KAT6B: variants seen among roughly 807,000 people sequenced by gnomAD.
KAT6B encodes lysine acetyltransferase 6B.
In KAT6B, 10 loss-of-function variants were observed where a neutral mutation model predicts 187.5. The ratio of observed to expected loss-of-function variants is 0.05; its 90% confidence interval spans 0.03 to 0.09. KAT6B has a LOEUF of 0.09. Among genes scored for constraint, KAT6B ranks in the 10% least tolerant of loss-of-function variants. KAT6B has a pLI of 1.00. For missense variants in KAT6B, 1,952 were observed against 2,558.9 expected, an observed-to-expected ratio of 0.76 and a Z score of 5.12; for synonymous variants, 861 against 926.8, an observed-to-expected ratio of 0.93 and a Z score of 1.29.
At chr10:74,956,619 T>TTC (rs1840710409) in intron 3 of KAT6B, among the ~76,000 whole-genome samples, 1 of 152,092 alleles carries the variant, frequency 6.6e-6, no homozygotes, top group Non-Finnish European at 1.5e-5. Context: ...AGACTTGTGT[T>TTC]TGAGTACAGC....
chr10:74,915,875 C>G (rs1004080349), intron 3 of KAT6B, among the ~76,000 whole-genome samples: 2 of 152,108 alleles, frequency 1.3e-5, no homozygotes, highest in Admixed American at 1.3e-4. Flanking sequence ...ATTTAAAAAT[C>G]TATAATTTTG....
rs532744722 is a variant in KAT6B at position 74,958,288 on chromosome 10, G to C, written c.622-1682G>C. Among the ~76,000 whole-genome samples the C allele has an allele frequency of 2.9e-4, 44 of 152,350 alleles. 1 individual carries two copies. In the South Asian group the frequency reaches 8.9e-3, roughly 31 times the overall value. Reference sequence around the variant, plus strand: ...GAGTGCCTACTATGCACCAGGAAATGCATTAGGCATTTGGGCTAGAGTGGC... The same window carrying C: ...GAGTGCCTACTATGCACCAGGAAATCCATTAGGCATTTGGGCTAGAGTGGC... On this transcript the variant is annotated intron_variant, in intron 3 of 17. Transcript: ENST00000287239.
chr10:74,975,653 C>T lies in KAT6B; in HGVS notation c.1316C>T (p.Thr439Ile). 1 of 1,614,188 alleles carries T rather than the reference C, an allele frequency of 6.2e-7. No individual in the cohort carries two copies. Among genetic ancestry groups the T allele is most frequent in the Non-Finnish European group, 8.5e-7 (1 of 1,180,038 alleles). The change falls in exon 8 of 18, where the codon ACT (threonine) becomes ATT (isoleucine). Residue 439 changes from threonine (T) to isoleucine (I), a missense_variant. By Grantham distance (89) the Thr-to-Ile change is moderately conservative. This residue lies in a region of KAT6B where 417 missense variants were observed against 508.9 expected (regional missense o/e 0.82). Transcript: ENST00000287239. Reference protein sequence around the residue: ...KKTKGLIDGLTKFFTPSPDGR... With the variant: ...KKTKGLIDGLIKFFTPSPDGR... ...ACCAAAGGGCTCATTGATGGCCTTA[C>T]TAAGTTTTTTACACCATCACCTGAT... is the stretch of plus-strand genomic sequence containing the variant.
chr10:74,843,414 A>G lies in KAT6B; in HGVS notation c.557A>G (p.Gln186Arg), dbSNP rs773085649. Reference protein sequence around the residue: ...YGSLDGKGAPQYPSAFPSSLP... With the variant: ...YGSLDGKGAPRYPSAFPSSLP... ...AGCTTAGATGGCAAAGGGGCACCTC[A>G]GTATCCCAGTGCATTCCCATCCTCG... is the stretch of plus-strand genomic sequence containing the variant. The change falls in exon 3 of 18, where the codon CAG becomes CGG. Residue 186 changes from glutamine (Q) to arginine (R), a missense_variant. Gln to Arg is a conservative substitution (Grantham distance 43, BLOSUM62 1). This residue lies in a region of KAT6B where 218 missense variants were observed against 282.6 expected (regional missense o/e 0.77). Transcript: ENST00000287239. 4 of 1,614,054 alleles carry G rather than the reference A, an allele frequency of 2.5e-6. No individual in the cohort carries two copies. Among genetic ancestry groups the G allele is most frequent in the Non-Finnish European group, 3.4e-6 (4 of 1,179,992 alleles).
chr10:74,919,900 A>T (rs535581282), intron 3 of KAT6B, among the ~76,000 whole-genome samples: 26 of 152,006 alleles, frequency 1.7e-4, no homozygotes, highest in Non-Finnish European at 5.9e-5. Flanking sequence ...CAAATTTGTC[A>T]TCTTTTATAG....
intron 3 of KAT6B, among the ~76,000 whole-genome samples, chr10:74,932,902 A>G (rs965706396): frequency 2.6e-5 from 4 of 152,356 alleles, no homozygotes; most frequent in Non-Finnish European, 5.9e-5. Context: ...TGCTTACACC[A>G]GGGAGAACAA....
chr10:74,943,091 G>A (rs987513477), intron 3 of KAT6B, among the ~76,000 whole-genome samples: 2 of 152,102 alleles, frequency 1.3e-5, no homozygotes, highest in East Asian at 1.9e-4. Context: ...AAAATCCTAA[G>A]GAATCTTTAA....
chr10:74,935,479 T>C (rs1034666556), intron 3 of KAT6B, among the ~76,000 whole-genome samples: 3 of 152,226 alleles, frequency 2.0e-5, no homozygotes, highest in African/African-American at 7.2e-5. Context: ...GTAAAACTTT[T>C]TGTTGAGACG....
intron 13 of KAT6B, among the ~76,000 whole-genome samples, chr10:75,012,657 T>G (rs1410261207): frequency 6.6e-6 from 1 of 152,186 alleles, no homozygotes; most frequent in Non-Finnish European, 1.5e-5. Context: ...TCGTGCTGCC[T>G]GATGCCCTAC....
Position 74,975,771 on chromosome 10 carries a change from G to A in KAT6B, c.1434G>A (p.Val478=). 2 of 1,614,174 alleles carry A rather than the reference G, an allele frequency of 1.2e-6. No individual in the cohort carries two copies. Among genetic ancestry groups the A allele is most frequent in the Non-Finnish European group, 8.5e-7 (1 of 1,180,028 alleles). Residue 478 remains valine, a synonymous_variant, in exon 8 of 18, where the codon GTG becomes GTA. Transcript: ENST00000287239. Reference sequence around the variant, plus strand: ...AGAAACAGTCATGCACTTCTCATGTGTTGGCTACAGGTACCACACAAAAGC... The same window carrying A: ...AGAAACAGTCATGCACTTCTCATGTATTGGCTACAGGTACCACACAAAAGC... ...VSQKQSCTSH[V]LATGTTQKLK... is the part of the protein sequence containing the mutation.
At chr10:74,893,564 G>A (rs777274979) in intron 3 of KAT6B, among the ~76,000 whole-genome samples, 1 of 151,824 alleles carries the variant, frequency 6.6e-6, no homozygotes, top group African/African-American at 2.4e-5. Context: ...CCATCTCTGG[G>A]GTTCAAGCGA....
chr10:74,996,234 C>T (rs1470268176), intron 13 of KAT6B, among the ~76,000 whole-genome samples: 1 of 152,196 alleles, frequency 6.6e-6, no homozygotes, highest in Non-Finnish European at 1.5e-5. Flanking sequence ...GGGAAGAAGA[C>T]ATAGCTCTTG....
chr10:74,826,395 G>A (rs896144940), upstream of KAT6B, among the ~76,000 whole-genome samples: 4 of 152,122 alleles, frequency 2.6e-5, no homozygotes, highest in Middle Eastern at 3.4e-3. Flanking sequence ...CGGAGGGGGG[G>A]ATGATGGGTC....
chr10:74,977,298 G>C lies in KAT6B; in HGVS notation c.1994-18G>C. 6.2e-6 allele frequency: 10 copies of C among 1,611,008 alleles called. No individual in the cohort carries two copies. The highest frequency in any genetic ancestry group is 8.5e-6 in the Non-Finnish European group (10 of 1,178,238). ...ATTCAAGTCAGTGAATACACTTTCT[G>C]CTGGTTTTAAATGACAGATACTGAA... On this transcript the variant is annotated intron_variant, in intron 8 of 17. Transcript: ENST00000287239.
intron 2 of KAT6B, 77 bp from the exon 3 acceptor site, chr10:74,842,523 G>A: frequency 1.9e-6 from 1 of 528,448 alleles, no homozygotes; most frequent in East Asian, 3.0e-5. Context: ...GTCTGAAAAA[G>A]TCATGCTAAA....
At position 74,828,112 on chromosome 10, in the gene KAT6B, A is replaced by G. The variant is rs544494607; in HGVS notation, c.-329+1327A>G. On this transcript the variant is annotated intron_variant, in intron 1 of 17. Transcript: ENST00000287239. ...ACTTTGCTGTGGGCAGAGTGCAGGGAGTGGTAGGAGATGACCAGGCAAAGG... is the reference window on the plus strand; with the variant it reads ...ACTTTGCTGTGGGCAGAGTGCAGGGGGTGGTAGGAGATGACCAGGCAAAGG... Among the ~76,000 whole-genome samples the G allele has an allele frequency of 4.6e-4, 70 of 152,206 alleles. No individual in the cohort carries two copies. The Middle Eastern group carries it at 0.014, about 30-fold the overall frequency.
intron 13 of KAT6B, among the ~76,000 whole-genome samples, chr10:75,004,339 T>G: frequency 6.6e-6 from 1 of 152,166 alleles, no homozygotes; most frequent in East Asian, 1.9e-4. Flanking sequence ...AATGCCTGAG[T>G]CTAGTTAATC....
intron 3 of KAT6B, among the ~76,000 whole-genome samples, chr10:74,913,895 AGTATTACTGGCTGGGAGTG>A (rs1422244538): frequency 2.0e-5 from 3 of 152,158 alleles, no homozygotes; most frequent in Non-Finnish European, 4.4e-5. Flanking sequence ...ATGAGCCTTA[AGTATTACTGGCTGGGAGTG>A]GTGGCTCATG....
intron 3 of KAT6B, among the ~76,000 whole-genome samples, chr10:74,908,168 G>C (rs1488804008): frequency 1.3e-5 from 2 of 152,178 alleles, no homozygotes; most frequent in Non-Finnish European, 2.9e-5. Context: ...GTGATGCCCT[G>C]CACTACCATG....
Sources: gnomAD v4.1 joint callset for allele counts (sites outside exome capture counted in the v4.1 genomes callset) on GRCh38, gnomAD v4.1.1 for gene constraint, gnomAD v4.1.1 regional missense constraint, MANE v1.5 for transcripts, NCBI Gene and HGNC (gene_info 2026-07-23, HGNC 2026-07-21) for gene names.